CELSR1: variants seen among roughly 807,000 people sequenced by gnomAD.
The protein encoded by CELSR1 is adhesion G protein-coupled receptor C1.
A neutral mutation model predicts 249.1 loss-of-function variants in CELSR1; 110 were observed. That is an observed-to-expected ratio of 0.44 (90% CI 0.38 to 0.52). CELSR1 has a LOEUF of 0.52. Among genes scored for constraint, CELSR1 ranks in the 20% least tolerant of loss-of-function variants. The probability of loss-of-function intolerance (pLI) is 0.00; values close to 1 mark genes in which losing one functional copy is unlikely to be tolerated. For synonymous variants in CELSR1, 2,113 were observed against 1,900.0 expected (o/e 1.11, Z -2.92); for missense variants, 4,109 against 4,296.4 (o/e 0.96, Z 1.22).
In CELSR1 at chr22:46,381,998, G is replaced by C; in HGVS notation, c.6936C>G (p.Arg2312=). 1 of 1,564,308 alleles carries C rather than the reference G, an allele frequency of 6.4e-7. No individual in the cohort carries two copies. The highest frequency in any genetic ancestry group is 1.2e-5 in the South Asian group (1 of 85,176). The change falls in exon 21 of 35, where the codon CGC becomes CGG. Residue 2312 remains arginine (R), a synonymous_variant. Coordinates refer to ENST00000674500, the MANE Select transcript of CELSR1 (RefSeq NM_001378328.1). This position sits in a 1 kb window ranked among gnomAD's most constrained non-coding sequence, Gnocchi z 6.0. ...AGRRTTPQTT[R]PGPGTEREAP... is the part of the protein sequence containing the mutation. ...CCTCCCTCTCGGTGCCAGGCCCCGG[G>C]CGCGTGGTCTGCGGGGTGGTCCTCC...
At position 46,473,438 on chromosome 22, in the gene CELSR1, G is replaced by A. The variant is rs1241554409; in HGVS notation, c.3545-9093C>T. On this transcript the variant is annotated intron_variant, in intron 1 of 34. Coordinates refer to ENST00000674500, the MANE Select transcript of CELSR1 (RefSeq NM_001378328.1). This position sits in a 1 kb window ranked among gnomAD's most constrained non-coding sequence, Gnocchi z 6.6. ...TGGGGCCTTGGAGATGACCCAGTGA[G>A]ATGGAGCCACAGGCAGCTGGAGACG... 6.6e-6 allele frequency among the ~76,000 whole-genome samples: 1 copy of A among 152,148 alleles called. No individual in the cohort carries two copies. Among genetic ancestry groups the A allele is most frequent in the Non-Finnish European group, 1.5e-5 (1 of 68,022 alleles).
chr22:46,398,488 G>T lies in CELSR1; in HGVS notation c.5526+36C>A, dbSNP rs561351983. The T allele has an allele frequency of 4.0e-5, 60 of 1,489,462 alleles. 1 individual carries two copies. In the East Asian group the frequency reaches 1.3e-3, roughly 31 times the overall value. The allele number at this position is 1,489,462 out of a possible 1,614,324, so 92.3% of individuals were successfully genotyped here. Reference sequence around the variant, plus strand: ...CCAGCCTCGGAGCTGCCTGTGAGGGGCAGGCCTCCCCCCGCCCCCCACAAC... The same window carrying T: ...CCAGCCTCGGAGCTGCCTGTGAGGGTCAGGCCTCCCCCCGCCCCCCACAAC... On this transcript the variant is annotated intron_variant, in intron 11 of 34. Coordinates refer to ENST00000674500, the MANE Select transcript of CELSR1 (RefSeq NM_001378328.1). This position sits in a 1 kb window ranked among gnomAD's most constrained non-coding sequence, Gnocchi z 7.2.
intron 19 of CELSR1, among the ~76,000 whole-genome samples, chr22:46,384,892 C>T (rs1477709302): frequency 7.6e-6 from 1 of 131,222 alleles, no homozygotes; most frequent in Admixed American, 6.8e-5. Flanking sequence ...CAGATTCAAG[C>T]AATATCTCCT....
chr22:46,397,886 G>C, intron 11 of CELSR1, 38 bp from the exon 12 acceptor site: 2 of 1,474,112 alleles, frequency 1.4e-6, no homozygotes, highest in Non-Finnish European at 1.8e-6. Flanking sequence ...ACAGGAGCCC[G>C]GAAAGGTATG....
chr22:46,448,498 G>A lies in CELSR1; in HGVS notation c.4184-9087C>T, dbSNP rs1402723045. 2.4e-6 allele frequency: 1 copy of A among 414,222 alleles called. No individual in the cohort carries two copies. Among genetic ancestry groups the A allele is most frequent in the African/African-American group, 2.1e-5 (1 of 48,232 alleles). The allele number at this position is 414,222 out of a possible 1,614,324, so 25.7% of individuals were successfully genotyped here. On this transcript the variant is annotated intron_variant, in intron 2 of 34. Coordinates refer to ENST00000674500, the MANE Select transcript of CELSR1 (RefSeq NM_001378328.1). This position sits in a 1 kb window ranked among gnomAD's most constrained non-coding sequence, Gnocchi z 5.7. ...GGGAACGTGCCCCAGGAGGGGAAGG[G>A]CGTGTAAAGATTGACCACTTAAGTT...
chr22:46,531,478 T>A (rs1297861205), intron 1 of CELSR1, among the ~76,000 whole-genome samples: 1 of 152,208 alleles, frequency 6.6e-6, no homozygotes, highest in Non-Finnish European at 1.5e-5. Context: ...AGTGCTGGGA[T>A]TACAGGCATG....
At position 46,367,643 on chromosome 22, in the gene CELSR1, C is replaced by T. The variant is rs778637762; in HGVS notation, c.8079+86G>A. The T allele has an allele frequency of 2.8e-5, 42 of 1,511,022 alleles. No individual in the cohort carries two copies. The East Asian group carries it at 9.6e-4, about 34-fold the overall frequency. 93.6% of individuals were successfully genotyped at this position (1,511,022 alleles called of 1,614,324 possible). A position where few individuals can be genotyped will look rare whatever the true frequency, so the allele number is the denominator to read the frequency against. Reference sequence around the variant, plus strand: ...GACCCAGGCAGGGCTGGTTTGGGACCGCAGAGGCCTCCACTGCTTCGCATC... The same window carrying T: ...GACCCAGGCAGGGCTGGTTTGGGACTGCAGAGGCCTCCACTGCTTCGCATC... On this transcript the variant is annotated intron_variant, in intron 28 of 34. Transcript: ENST00000674500.
intron 5 of CELSR1, among the ~76,000 whole-genome samples, chr22:46,414,453 G>A (rs540124056): frequency 2.0e-5 from 3 of 152,288 alleles, no homozygotes; most frequent in Non-Finnish European, 4.4e-5. Flanking sequence ...TCCCTCTCCT[G>A]TCACCCCTGA....
chr22:46,409,209 G>T lies in CELSR1; in HGVS notation c.5060-47C>A, dbSNP rs776176969. On this transcript the variant is annotated intron_variant, in intron 8 of 34. Coordinates refer to ENST00000674500, the MANE Select transcript of CELSR1 (RefSeq NM_001378328.1). This position sits in a 1 kb window ranked among gnomAD's most constrained non-coding sequence, Gnocchi z 9.8. ...CCTCAGGTGTCTCCCGAAATCACAC[G>T]GCCGCGGACTTGGCTGCAGGGGCGG... is the stretch of plus-strand genomic sequence containing the variant. 6.3e-7 allele frequency: 1 copy of T among 1,595,706 alleles called. No individual in the cohort carries two copies. The highest frequency in any genetic ancestry group is 8.5e-7 in the Non-Finnish European group (1 of 1,172,050).
chr22:46,537,073 G>A lies in CELSR1; in HGVS notation c.98C>T (p.Pro33Leu), dbSNP rs971474746. Residue 33 changes from proline (P) to leucine (L), a missense_variant, in exon 1 of 35, where the codon CCG (proline) becomes CTG (leucine). Physicochemically the swap from Pro to Leu is moderately conservative, Grantham distance 98. Around this residue, in one of 7 missense-constraint regions of CELSR1, gnomAD observed 673 missense variants for 636.8 expected, o/e 1.06. Coordinates refer to ENST00000674500, the MANE Select transcript of CELSR1 (RefSeq NM_001378328.1). This position sits in a 1 kb window ranked among gnomAD's most constrained non-coding sequence, Gnocchi z 5.8. ...AMGLRAAAWE[P>L]RVPGGTRAFA... ...GGCGCGGGTCCCGCCGGGTACGCGC[G>A]GCTCCCAGGCGGCCGCTCGCAGCCC... 1.9e-6 allele frequency: 2 copies of A among 1,055,986 alleles called. No homozygotes were observed. Among genetic ancestry groups the A allele is most frequent in the Non-Finnish European group, 2.3e-6 (2 of 878,432 alleles). 65.4% of individuals were successfully genotyped at this position (1,055,986 alleles called of 1,614,324 possible). A position where few individuals can be genotyped will look rare whatever the true frequency, so the allele number is the denominator to read the frequency against.
intron 5 of CELSR1, among the ~76,000 whole-genome samples, chr22:46,432,275 C>A (rs1026689164): frequency 2.0e-5 from 3 of 152,252 alleles, no homozygotes; most frequent in Non-Finnish European, 4.4e-5. Context: ...GACACTACGA[C>A]CTCAGGCCCA....
intron 24 of CELSR1, among the ~76,000 whole-genome samples, chr22:46,373,599 T>C (rs2078882036): frequency 1.4e-5 from 2 of 138,914 alleles, no homozygotes; most frequent in African/African-American, 2.8e-5. Flanking sequence ...TGGGAGAGGA[T>C]GGCAGGCTCC....
chr22:46,369,022 G>A, intron 27 of CELSR1, 157 bp downstream of exon 27: 1 of 658,840 alleles, frequency 1.5e-6, no homozygotes. Context: ...GTGCAACGTG[G>A]CAAACCTCTC....
chr22:46,464,525 C>T lies in CELSR1; in HGVS notation c.3545-180G>A, dbSNP rs1406511455. ...ACCCTTCCTCCTTCAGCACCCTGGCCCCTGCCCCCCATGACCACCACCTTG... is the reference window on the plus strand; with the variant it reads ...ACCCTTCCTCCTTCAGCACCCTGGCTCCTGCCCCCCATGACCACCACCTTG... On this transcript the variant is annotated intron_variant, in intron 1 of 34. Coordinates refer to ENST00000674500, the MANE Select transcript of CELSR1 (RefSeq NM_001378328.1). The surrounding 1 kb of genome is among the most constrained non-coding windows in gnomAD (Gnocchi z 8.5). 6.6e-6 allele frequency among the ~76,000 whole-genome samples: 1 copy of T among 150,720 alleles called. No individual in the cohort carries two copies. Among genetic ancestry groups the T allele is most frequent in the East Asian group, 1.9e-4 (1 of 5,162 alleles).
intron 22 of CELSR1, 52 bp from the exon 23 acceptor site, chr22:46,378,769 G>A (rs902691006): frequency 6.3e-7 from 1 of 1,581,840 alleles, no homozygotes; most frequent in South Asian, 1.1e-5. Flanking sequence ...CTCTGCCCAT[G>A]AGTCTGTAAA....
At position 46,366,559 on chromosome 22, in the gene CELSR1, G is replaced by A. The variant is rs1040413991; in HGVS notation, c.8206-79C>T. The A allele has an allele frequency of 1.2e-4, 146 of 1,185,202 alleles. 1 individual carries two copies. The highest frequency in any genetic ancestry group is 3.4e-4 in the Admixed American group (17 of 50,000). 73.4% of individuals were successfully genotyped at this position (1,185,202 alleles called of 1,614,324 possible). ...CCACGGGGAATGACTCTGTCCCCAC[G>A]GCAAGCCCCCCACACCCACACCCTG... On this transcript the variant is annotated intron_variant, in intron 29 of 34. Transcript: ENST00000674500.
rs2147250856 is a variant in CELSR1 at position 46,390,405 on chromosome 22, T to C, written c.6332A>G (p.Asp2111Gly). The change falls in exon 17 of 35, where the codon GAC becomes GGC. Residue 2111 changes from aspartate to glycine, a missense_variant. Asp to Gly is a moderately conservative substitution (Grantham distance 94). Around this residue, in one of 7 missense-constraint regions of CELSR1, gnomAD observed 1,805 missense variants for 1,831.6 expected, o/e 0.99. Coordinates refer to ENST00000674500, the MANE Select transcript of CELSR1 (RefSeq NM_001378328.1). The surrounding 1 kb of genome is among the most constrained non-coding windows in gnomAD (Gnocchi z 6.3). ...AGGCGCCCCTACCATGGCCCTGAGG[T>C]CCACGAAGGAGATGGTGGTACAGTT... is the stretch of plus-strand genomic sequence containing the variant. ...LFNCTTISFV[D>G]LRAMNEKLSR... is the part of the protein sequence containing the mutation. 6.2e-7 allele frequency: 1 copy of C among 1,613,160 alleles called. No homozygotes were observed. The highest frequency in any genetic ancestry group is 2.2e-5 in the East Asian group (1 of 44,876).
At position 46,364,142 on chromosome 22, in the gene CELSR1, G is replaced by C. The variant is rs778446538; in HGVS notation, c.8889C>G (p.Ser2963=). The change falls in exon 34 of 35, where the codon TCC becomes TCG. Residue 2963 remains serine (S), a synonymous_variant. Coordinates refer to ENST00000674500, the MANE Select transcript of CELSR1 (RefSeq NM_001378328.1). The stretch of plus-strand genomic sequence containing the variant: ...CAGAGCCCAGGGAAGACGTGCGCGA[G>C]GATGTGGGGCTCTGCTCACAGTCGG... The part of the protein sequence containing the change: ...KLADCEQSPT[S]SRTSSLGSGG... The C allele has an allele frequency of 1.7e-5, 27 of 1,607,652 alleles. No homozygotes were observed. The highest frequency in any genetic ancestry group is 2.2e-5 in the Non-Finnish European group (26 of 1,179,596).
intron 1 of CELSR1, among the ~76,000 whole-genome samples, chr22:46,479,187 C>G (rs2147654533): frequency 6.6e-6 from 1 of 152,044 alleles, no homozygotes; most frequent in Non-Finnish European, 1.5e-5. Context: ...CCGACGGACG[C>G]TCCCGGGGTT....
Sources: allele counts gnomAD v4.1 joint callset (sites outside exome capture counted in the v4.1 genomes callset), GRCh38; gene constraint gnomAD v4.1.1; regional missense constraint gnomAD v4.1.1; non-coding constraint Gnocchi (gnomAD v3.1); transcripts MANE v1.5; gene names NCBI Gene and HGNC (gene_info 2026-07-23, HGNC 2026-07-21).